BAHCC1: variants seen among roughly 807,000 people sequenced by gnomAD.
BAHCC1 encodes BAH domain and coiled-coil containing 1, also known as BAH and coiled-coil domain-containing protein 1.
In BAHCC1, 43 loss-of-function variants were observed where a neutral mutation model predicts 88.2. That is an observed-to-expected ratio of 0.49 (90% CI 0.38 to 0.63). The LOEUF (loss-of-function observed/expected upper bound fraction) is 0.63. Ranked by LOEUF, BAHCC1 falls within the 20% of genes least tolerant of loss-of-function variation. The pLI, the probability that BAHCC1 is intolerant of heterozygous loss-of-function variation, is 0.00. For missense variants in BAHCC1, 3,023 were observed against 1,654.8 expected, an observed-to-expected ratio of 1.83 and a Z score of -14.34; for synonymous variants, 1,510 against 745.5, an observed-to-expected ratio of 2.03 and a Z score of -16.71.
intron 27 of BAHCC1, among the ~76,000 whole-genome samples, 196 bp from the exon 28 acceptor site, chr17:81,463,415 G>C (rs1267571207): frequency 6.6e-6 from 1 of 152,204 alleles, no homozygotes; most frequent in Non-Finnish European, 1.5e-5. Flanking sequence ...AGGGTCCCCG[G>C]CAGGTTCCTC....
chr17:81,457,756 A>C, intron 17 of BAHCC1, among the ~76,000 whole-genome samples, 164 bp downstream of exon 17: 1 of 60,724 alleles, frequency 1.6e-5, no homozygotes, highest in Non-Finnish European at 3.0e-5. Flanking sequence ...ACCAGGAGGA[A>C]GGGCAGGGGT....
intron 2 of BAHCC1, among the ~76,000 whole-genome samples, chr17:81,408,125 G>T (rs542129987): frequency 2.0e-5 from 3 of 152,174 alleles, no homozygotes; most frequent in Non-Finnish European, 4.4e-5. Context: ...CCGTGTCCTC[G>T]GGCTCCAGCT....
chr17:81,443,968 G>A, intron 6 of BAHCC1, 51 bp downstream of exon 6: 1 of 698,656 alleles, frequency 1.4e-6, no homozygotes, highest in Admixed American at 2.0e-5. Flanking sequence ...CTGGGCTTGG[G>A]GCTCCCCACT....
chr17:81,424,937 G>C (rs1012028620), intron 2 of BAHCC1, among the ~76,000 whole-genome samples: 1 of 149,484 alleles, frequency 6.7e-6, no homozygotes, highest in African/African-American at 2.5e-5. Flanking sequence ...GGTTGGTGCT[G>C]ATAGTGGTGG....
At position 81,435,352 on chromosome 17, in the gene BAHCC1, C is replaced by G; in HGVS notation, c.359-3018C>G. The G allele has an allele frequency of 2.2e-6, 1 of 446,842 alleles. No individual in the cohort carries two copies. The highest frequency in any genetic ancestry group is 4.6e-6 in the Non-Finnish European group (1 of 219,420). 27.7% of individuals were successfully genotyped at this position (446,842 alleles called of 1,614,324 possible). A position where few individuals can be genotyped will look rare whatever the true frequency, so the allele number is the denominator to read the frequency against. On this transcript the variant is annotated intron_variant, in intron 3 of 27. Coordinates refer to ENST00000675386, the MANE Select transcript of BAHCC1 (RefSeq NM_001377448.1). This position sits in a 1 kb window ranked among gnomAD's most constrained non-coding sequence, Gnocchi z 4.4. ...CCCATCACAGGACTGAGTTTGGAGT[C>G]TCCTGCCCACCGCAGTAGCAGGGGC...
At position 81,463,848 on chromosome 17, in the gene BAHCC1, C is replaced by T. The variant is rs1454467484; in HGVS notation, c.*31C>T. On this transcript the variant is annotated 3_prime_UTR_variant, in exon 28 of 28. Transcript: ENST00000675386. ...CCACCGCAGATGCCTCCCACGTGCGCCAGGGACCCTGTGTGCGGAGCCTGG... is the reference window on the plus strand; with the variant it reads ...CCACCGCAGATGCCTCCCACGTGCGTCAGGGACCCTGTGTGCGGAGCCTGG... 4.3e-6 allele frequency: 3 copies of T among 701,832 alleles called. No individual in the cohort carries two copies. Among genetic ancestry groups the T allele is most frequent in the Non-Finnish European group, 7.8e-6 (3 of 384,424 alleles). 43.5% of individuals were successfully genotyped at this position (701,832 alleles called of 1,614,324 possible). A position where few individuals can be genotyped will look rare whatever the true frequency, so the allele number is the denominator to read the frequency against.
intron 4 of BAHCC1, among the ~76,000 whole-genome samples, 195 bp from the exon 5 acceptor site, chr17:81,441,636 T>C (rs894874898): frequency 1.6e-5 from 2 of 125,532 alleles, no homozygotes; most frequent in East Asian, 4.9e-4. Flanking sequence ...CACTGCAGCC[T>C]GGGCGACAGA....
At chr17:81,417,524 C>A (rs2064048102) in intron 2 of BAHCC1, among the ~76,000 whole-genome samples, 1 of 150,416 alleles carries the variant, frequency 6.6e-6, no homozygotes, top group Non-Finnish European at 1.5e-5. Context: ...GGGAGGGAGA[C>A]CGAGGAGGGA....
At chr17:81,413,511 G>C (rs1555648176) in intron 2 of BAHCC1, among the ~76,000 whole-genome samples, 1 of 152,166 alleles carries the variant, frequency 6.6e-6, no homozygotes, top group Non-Finnish European at 1.5e-5. Flanking sequence ...CGGGCCCCTG[G>C]ATACCCGTGG....
chr17:81,462,487 C>T (rs2143669893), intron 26 of BAHCC1: 1 of 549,594 alleles, frequency 1.8e-6, no homozygotes, highest in East Asian at 3.0e-5. Flanking sequence ...GTCCACATGT[C>T]CCTGTCCCAG....
chr17:81,399,723 C>T lies in BAHCC1; in HGVS notation c.-17C>T, dbSNP rs1287812663. The T allele has an allele frequency of 8.5e-6, 9 of 1,058,892 alleles. No homozygotes were observed. In the East Asian group the frequency reaches 2.1e-4, roughly 25 times the overall value. The allele number at this position is 1,058,892 out of a possible 1,614,324, so 65.6% of individuals were successfully genotyped here. ...CTGCTCCGAGGAAGCGGCGGCGGAC[C>T]GGGGCCGGGGCCCGGCATGGATGGC... is the stretch of plus-strand genomic sequence containing the variant. On this transcript the variant is annotated 5_prime_UTR_variant, in exon 2 of 28. Transcript: ENST00000675386. The surrounding 1 kb of genome is among the most constrained non-coding windows in gnomAD (Gnocchi z 4.5).
chr17:81,464,148 C>T lies in BAHCC1; in HGVS notation c.*331C>T, dbSNP rs1024448695. On this transcript the variant is annotated 3_prime_UTR_variant, in exon 28 of 28. Coordinates refer to ENST00000675386, the MANE Select transcript of BAHCC1 (RefSeq NM_001377448.1). ...TCCAAGCCATATTCCCTAGTACCTC[C>T]GACTGTCTCCCACCAGGGAAAGCAG... 1.1e-4 allele frequency: 45 copies of T among 401,636 alleles called. No homozygotes were observed. The highest frequency in any genetic ancestry group is 2.4e-4 in the South Asian group (7 of 29,690). 24.9% of individuals were successfully genotyped at this position (401,636 alleles called of 1,614,324 possible). A position where few individuals can be genotyped will look rare whatever the true frequency, so the allele number is the denominator to read the frequency against.
In BAHCC1 at chr17:81,444,664, C is replaced by T; in HGVS notation, c.2513-4C>T. On this transcript the variant is annotated splice_polypyrimidine_tract_variant and splice_region_variant and intron_variant, in intron 7 of 27. Transcript: ENST00000675386. Reference sequence around the variant, plus strand: ...GCCTGACCACTGTGCCCTCTGCCTCCCAGGCCTGGGGCACCCTGCCCTGCA... The same window carrying T: ...GCCTGACCACTGTGCCCTCTGCCTCTCAGGCCTGGGGCACCCTGCCCTGCA... 1 of 771,760 alleles carries T rather than the reference C, an allele frequency of 1.3e-6. No homozygotes were observed. Among genetic ancestry groups the T allele is most frequent in the East Asian group, 2.4e-5 (1 of 41,222 alleles). The allele number at this position is 771,760 out of a possible 1,614,324, so 47.8% of individuals were successfully genotyped here. A position where few individuals can be genotyped will look rare whatever the true frequency, so the allele number is the denominator to read the frequency against.
chr17:81,405,753 C>T (rs1555646763), intron 2 of BAHCC1, among the ~76,000 whole-genome samples: 1 of 152,214 alleles, frequency 6.6e-6, no homozygotes, highest in Non-Finnish European at 1.5e-5. Flanking sequence ...CTGGCTTCCT[C>T]CCTACCATAA....
intron 3 of BAHCC1, among the ~76,000 whole-genome samples, chr17:81,433,912 C>CG (rs1355793369): frequency 2.0e-4 from 31 of 152,362 alleles, no homozygotes; most frequent in Admixed American, 7.2e-4. Flanking sequence ...CCCTGAGTGA[C>CG]GGGGGTGTCC....
intron 3 of BAHCC1, among the ~76,000 whole-genome samples, chr17:81,437,713 G>A (rs1267308033): frequency 2.0e-5 from 3 of 152,228 alleles, no homozygotes; most frequent in Non-Finnish European, 4.4e-5. Context: ...CAAGAGAGGG[G>A]CCTGTCTGGC....
intron 14 of BAHCC1, among the ~76,000 whole-genome samples, chr17:81,453,399 G>A (rs895413624): frequency 4.5e-4 from 68 of 152,390 alleles, no homozygotes; most frequent in African/African-American, 1.6e-3. Context: ...CACGATTGGC[G>A]CGTGCGTGTG....
At position 81,459,523 on chromosome 17, in the gene BAHCC1, C is replaced by T. The variant is rs782782319; in HGVS notation, c.5824C>T (p.Arg1942Trp). 16 of 779,460 alleles carry T rather than the reference C, an allele frequency of 2.1e-5. No homozygotes were observed. The highest frequency in any genetic ancestry group is 4.0e-5 in the South Asian group (3 of 74,628). The allele number at this position is 779,460 out of a possible 1,614,324, so 48.3% of individuals were successfully genotyped here. A position where few individuals can be genotyped will look rare whatever the true frequency, so the allele number is the denominator to read the frequency against. Reference protein sequence around the residue: ...AVLDVRPQSSRYLPPGTRVCA... With the variant: ...AVLDVRPQSSWYLPPGTRVCA... The stretch of plus-strand genomic sequence containing the variant: ...TCTCGATGTGCGGCCACAGTCCAGC[C>T]GGTACCTCCCGCCCGGCACGCGGGT... Residue 1942 changes from arginine to tryptophan, a missense_variant, in exon 23 of 28, where the codon CGG becomes TGG. Coordinates refer to ENST00000675386, the MANE Select transcript of BAHCC1 (RefSeq NM_001377448.1).
In BAHCC1 at chr17:81,456,301, A is replaced by G; in HGVS notation, c.4574A>G (p.Lys1525Arg). The G allele has an allele frequency of 1.4e-6, 1 of 715,578 alleles. No individual in the cohort carries two copies. The highest frequency in any genetic ancestry group is 2.6e-6 in the Non-Finnish European group (1 of 384,934). 44.3% of individuals were successfully genotyped at this position (715,578 alleles called of 1,614,324 possible). ...YAGLQTASVE[K>R]AQCKKSSCQG... is the part of the protein sequence containing the mutation. Reference sequence around the variant, plus strand: ...GCTGCCCCTCCCTGTTCACAGGAGAAGGCGCAGTGTAAGAAGAGCAGCTGT... The same window carrying G: ...GCTGCCCCTCCCTGTTCACAGGAGAGGGCGCAGTGTAAGAAGAGCAGCTGT... The change falls in exon 16 of 28, where the codon AAG becomes AGG. Residue 1525 changes from lysine (K) to arginine (R), a missense_variant. Coordinates refer to ENST00000675386, the MANE Select transcript of BAHCC1 (RefSeq NM_001377448.1).
Sources: gnomAD v4.1 joint callset for allele counts (sites outside exome capture counted in the v4.1 genomes callset) on GRCh38, gnomAD v4.1.1 for gene constraint, Gnocchi (gnomAD v3.1) non-coding constraint, MANE v1.5 for transcripts, NCBI Gene and HGNC (gene_info 2026-07-23, HGNC 2026-07-21) for gene names.